Variants in CCDC171 observed in about 807,000 individuals in gnomAD.
CCDC171 encodes coiled-coil domain containing 171.
In CCDC171, 177 loss-of-function variants were observed where a neutral mutation model predicts 168.2. The ratio of observed to expected loss-of-function variants is 1.05; its 90% CI spans 0.93 to 1.19. The LOEUF (loss-of-function observed/expected upper bound fraction) is 1.19. CCDC171 is among the 50% of genes most tolerant of loss of function. The pLI is 0.00. For missense variants in CCDC171, 1,991 were observed against 1,539.0 expected (o/e 1.29, Z -4.91); for synonymous variants, 687 against 540.8 (o/e 1.27, Z -3.75).
intron 7 of CCDC171, among the ~76,000 whole-genome samples, chr9:15,651,992 C>T (rs1372288554): frequency 6.6e-6 from 1 of 152,134 alleles, no homozygotes; most frequent in Non-Finnish European, 1.5e-5. Context: ...ACTGAAGTCT[C>T]AACCTCCTGG....
intron 21 of CCDC171, among the ~76,000 whole-genome samples, chr9:15,798,714 C>T (rs1175069819): frequency 6.6e-6 from 1 of 152,140 alleles, no homozygotes. Flanking sequence ...TGCTTTCTTA[C>T]TACAATGGTA....
At chr9:15,629,362 G>T (rs1057422024) in intron 7 of CCDC171, among the ~76,000 whole-genome samples, 4 of 152,160 alleles carry the variant, frequency 2.6e-5, no homozygotes, top group Admixed American at 6.5e-5. Flanking sequence ...GCCAAGGCTC[G>T]AGAACTACGT....
At chr9:15,842,590 T>C (rs1002966698) in intron 21 of CCDC171, among the ~76,000 whole-genome samples, 22 of 152,000 alleles carry the variant, frequency 1.4e-4, no homozygotes, top group African/African-American at 4.6e-4. Flanking sequence ...AGGTTTTTTT[T>C]CTAAAGAATT....
intron 1 of CCDC171, among the ~76,000 whole-genome samples, chr9:15,563,011 C>T (rs913332911): frequency 5.9e-5 from 9 of 152,050 alleles, no homozygotes; most frequent in South Asian, 2.1e-4. Context: ...ATAACCCTCA[C>T]GTAAGATAAC....
chr9:15,920,612 T>C (rs1417400786), intron 25 of CCDC171, among the ~76,000 whole-genome samples, 190 bp downstream of exon 25: 1 of 151,766 alleles, frequency 6.6e-6, no homozygotes, highest in Non-Finnish European at 1.5e-5. Flanking sequence ...TTTCATTGTA[T>C]TATGTATAAA....
At chr9:15,824,445 G>T (rs1204650294) in intron 21 of CCDC171, among the ~76,000 whole-genome samples, 1 of 151,944 alleles carries the variant, frequency 6.6e-6, no homozygotes, top group East Asian at 1.9e-4. Flanking sequence ...TCATTTGCGT[G>T]TTCAGTCTTC....
intron 3 of CCDC171, among the ~76,000 whole-genome samples, chr9:15,993,574 A>C (rs1180600109): frequency 6.6e-6 from 1 of 152,230 alleles, no homozygotes; most frequent in East Asian, 1.9e-4. Flanking sequence ...CAATGGCAAC[A>C]AAAGCCAAAA....
At chr9:15,855,894 A>C (rs2061333007) in intron 23 of CCDC171, among the ~76,000 whole-genome samples, 1 of 152,000 alleles carries the variant, frequency 6.6e-6, no homozygotes, top group African/African-American at 2.4e-5. Context: ...AACATAGTTT[A>C]TAATGATTGT....
At chr9:15,749,999 C>G (rs1298902841) in intron 18 of CCDC171, among the ~76,000 whole-genome samples, 1 of 144,814 alleles carries the variant, frequency 6.9e-6, no homozygotes, top group South Asian at 2.2e-4. Flanking sequence ...GATAGAGACA[C>G]AAAAAAACCC....
the CCDC171 span, among the ~76,000 whole-genome samples, chr9:16,102,973 T>C: frequency 6.6e-6 from 1 of 152,214 alleles, no homozygotes; most frequent in East Asian, 1.9e-4. Context: ...ATTACTACTT[T>C]GCTAACTTTC....
intron 24 of CCDC171, among the ~76,000 whole-genome samples, chr9:15,914,350 A>C (rs146328267): frequency 9.8e-4 from 149 of 152,250 alleles, no homozygotes; most frequent in African/African-American, 3.5e-3. Flanking sequence ...CTGCCCAGAG[A>C]GGAGGAGTCA....
intron 7 of CCDC171, 55 bp downstream of exon 7, chr9:15,623,468 C>CGCGCGT (rs1478346207): frequency 2.7e-6 from 2 of 739,974 alleles, no homozygotes; most frequent in East Asian, 3.5e-5. Context: ...CACATATGCG[C>CGCGCGT]GCGCGCGCAC....
intron 24 of CCDC171, among the ~76,000 whole-genome samples, chr9:15,904,073 C>G (rs979923309): frequency 4.6e-5 from 7 of 152,050 alleles, no homozygotes; most frequent in South Asian, 2.1e-4. Flanking sequence ...AAGTGACGGG[C>G]AGAATGGAAC....
intron 1 of CCDC171, among the ~76,000 whole-genome samples, chr9:15,560,416 T>G (rs914259357): frequency 6.6e-6 from 1 of 152,134 alleles, no homozygotes; most frequent in Non-Finnish European, 1.5e-5. Flanking sequence ...CTTGGAGGCT[T>G]TGTTCATTTC....
At chr9:15,619,867 C>T (rs1387512329) in intron 6 of CCDC171, among the ~76,000 whole-genome samples, 3 of 152,110 alleles carry the variant, frequency 2.0e-5, no homozygotes, top group Admixed American at 2.0e-4. Flanking sequence ...TAAGTTGAAG[C>T]CATTGCTCAT....
chr9:15,637,602 C>A (rs924896923), intron 7 of CCDC171, among the ~76,000 whole-genome samples: 1 of 145,608 alleles, frequency 6.9e-6, no homozygotes, highest in African/African-American at 2.5e-5. Context: ...TGTATCTCCT[C>A]ATGCTATCCC....
rs1254242891 is a variant in CCDC171, at chr9:15,564,201, G to A, written c.41+72G>A. ...AAGGAACAGGGAGAAGTCAGTGGTT[G>A]TAGAGCTAACTGTAAGAATTCTCAT... is the stretch of plus-strand genomic sequence containing the variant. On this transcript the variant is annotated intron_variant, in intron 2 of 25. Coordinates refer to ENST00000380701, the MANE Select transcript of CCDC171 (RefSeq NM_173550.4). The A allele has an allele frequency of 3.5e-6, 4 of 1,131,614 alleles. No homozygotes were observed. In the East Asian group the frequency reaches 9.6e-5, roughly 27 times the overall value. 70.1% of individuals were successfully genotyped at this position (1,131,614 alleles called of 1,614,324 possible).
chr9:15,863,151 A>G (rs911714477), intron 23 of CCDC171, among the ~76,000 whole-genome samples: 2 of 152,054 alleles, frequency 1.3e-5, no homozygotes, highest in South Asian at 2.1e-4. Flanking sequence ...AGAACTCTGA[A>G]GAGTGGGACA....
intron 1 of CCDC171, among the ~76,000 whole-genome samples, chr9:15,561,878 A>C (rs116622322): frequency 4.1e-4 from 62 of 152,020 alleles, no homozygotes; most frequent in African/African-American, 1.4e-3. Flanking sequence ...GCTGGTGTGG[A>C]AACCCATTTT....
Sources: gnomAD v4.1 joint callset for allele counts (sites outside exome capture counted in the v4.1 genomes callset) on GRCh38, gnomAD v4.1.1 for gene constraint, MANE v1.5 for transcripts, NCBI Gene and HGNC (gene_info 2026-07-23, HGNC 2026-07-21) for gene names.